FGF13: variants seen among roughly 807,000 people sequenced by gnomAD.
FGF13 encodes the protein fibroblast growth factor 13, also known as fibroblast growth factor homologous factor 2.
A neutral mutation model predicts 19.5 loss-of-function variants in FGF13; 2 were observed. The ratio of observed to expected loss-of-function variants is 0.10; its 90% CI spans 0.04 to 0.32. The LOEUF (loss-of-function observed/expected upper bound fraction) is 0.32, where lower values mean the gene tolerates loss of function less well. Among genes scored for constraint, FGF13 ranks in the 10% least tolerant of loss-of-function variants. The probability of loss-of-function intolerance (pLI) is 1.00; values close to 1 mark genes in which losing one functional copy is unlikely to be tolerated. For synonymous variants in FGF13, 72 were observed against 76.9 expected (o/e 0.94, Z 0.33); for missense variants, 113 against 192.7 (o/e 0.59, Z 2.45).
At chrX:139,171,743 T>A (rs1000503927) in intron 1 of FGF13, among the ~76,000 whole-genome samples, 2 of 112,692 alleles carry the variant, frequency 1.8e-5, no homozygotes, top group African/African-American at 6.4e-5. Flanking sequence ...TGAGGACTTA[T>A]CACAGATATG....
At chrX:138,822,006 G>A (rs2124067580) in intron 3 of FGF13, among the ~76,000 whole-genome samples, 1 of 111,745 alleles carries the variant, frequency 8.9e-6, no homozygotes, top group African/African-American at 3.2e-5. Context: ...TGATGATGAT[G>A]ACATGATATG....
chrX:138,825,844 A>G (rs920383096), intron 3 of FGF13, among the ~76,000 whole-genome samples: 1 of 111,904 alleles, frequency 8.9e-6, no homozygotes, highest in African/African-American at 3.3e-5. Flanking sequence ...TAGGCTTCCT[A>G]CCAATAGTGT....
At chrX:138,957,382 C>T (rs1235478706) in intron 1 of FGF13, among the ~76,000 whole-genome samples, 6 of 111,873 alleles carry the variant, frequency 5.4e-5, no homozygotes, top group Admixed American at 3.8e-4. Context: ...ATCTCCAAAT[C>T]AGACATATGT....
At chrX:138,694,427 A>ATTTTTTC (rs1197937449) in intron 3 of FGF13, among the ~76,000 whole-genome samples, 1 of 102,143 alleles carries the variant, frequency 9.8e-6, no homozygotes, top group Non-Finnish European at 2.0e-5. Context: ...ATACATGTTA[A>ATTTTTTC]TTTTTTCTTT....
Position 139,117,144 on chromosome X carries a change from T to G in FGF13, c.-113+86272A>C, listed in dbSNP as rs2083645338. On this transcript the variant is annotated intron_variant, in intron 1 of 2. Coordinates refer to the FGF13 transcript ENST00000421460. ...CAGAGACCACTTAACCCAGTGGTTC[T>G]CAACTGGGGGTAATTTTGTACCTCC... Among the ~76,000 whole-genome samples the G allele has an allele frequency of 2.7e-5, 3 of 111,209 alleles. No homozygotes were observed. In the Admixed American group the frequency reaches 2.9e-4, roughly 11 times the overall value.
At chrX:138,938,291 A>G (rs1415971683) in intron 1 of FGF13, among the ~76,000 whole-genome samples, 1 of 111,490 alleles carries the variant, frequency 9.0e-6, no homozygotes, top group Non-Finnish European at 1.9e-5. Flanking sequence ...AGCAGTCTCA[A>G]TGGAGGGATG....
intron 2 of FGF13, among the ~76,000 whole-genome samples, chrX:138,864,100 T>A (rs752816505): frequency 1.5e-4 from 17 of 111,516 alleles, no homozygotes; most frequent in Non-Finnish European, 3.2e-4. Context: ...ATCCCCCCAA[T>A]CCCCGCCCTG....
At chrX:138,947,754 A>T (rs1402018310) in intron 1 of FGF13, among the ~76,000 whole-genome samples, 1 of 111,966 alleles carries the variant, frequency 8.9e-6, no homozygotes, top group Non-Finnish European at 1.9e-5. Flanking sequence ...CACTACCCAA[A>T]GTTCTTATGT....
chrX:138,808,087 G>A (rs28791291), intron 3 of FGF13, among the ~76,000 whole-genome samples: 3,106 of 111,095 alleles, frequency 0.028, 95 homozygotes, highest in African/African-American at 0.09. Flanking sequence ...TGCACCAAGC[G>A]GACCTAATAG....
At chrX:138,760,049 G>C (rs749649505) in intron 3 of FGF13, among the ~76,000 whole-genome samples, 4 of 111,193 alleles carry the variant, frequency 3.6e-5, no homozygotes, top group South Asian at 7.7e-4. Flanking sequence ...GGGTAAGTGG[G>C]GAGATGATTG....
chrX:138,895,569 T>G (rs938219095), intron 1 of FGF13, among the ~76,000 whole-genome samples: 1 of 112,024 alleles, frequency 8.9e-6, no homozygotes, highest in Non-Finnish European at 1.9e-5. Context: ...GAATGTACAT[T>G]GGTACAGCCA....
chrX:139,069,965 T>C (rs1470235847), intron 1 of FGF13, among the ~76,000 whole-genome samples: 1 of 111,858 alleles, frequency 8.9e-6, no homozygotes, highest in Non-Finnish European at 1.9e-5. Flanking sequence ...CCTTACACCT[T>C]ATACAAAAAA....
chrX:138,653,193 C>A (rs998761917), intron 3 of FGF13, among the ~76,000 whole-genome samples: 4 of 111,293 alleles, frequency 3.6e-5, no homozygotes, highest in African/African-American at 1.3e-4. Flanking sequence ...ATGGTTCATT[C>A]TTTTTGCCAT....
At chrX:139,062,054 G>T (rs935357999) in intron 1 of FGF13, among the ~76,000 whole-genome samples, 1 of 111,240 alleles carries the variant, frequency 9.0e-6, no homozygotes, top group Non-Finnish European at 1.9e-5. Context: ...CTGTGCAGAA[G>T]CTTTTTAGTT....
At chrX:138,878,156 T>C (rs898436864) in intron 1 of FGF13, among the ~76,000 whole-genome samples, 3 of 111,070 alleles carry the variant, frequency 2.7e-5, no homozygotes, top group African/African-American at 9.8e-5. Context: ...TTTTTTAATT[T>C]TATTATCATT....
intron 3 of FGF13, among the ~76,000 whole-genome samples, chrX:138,652,102 T>A (rs1173571970): frequency 9.0e-6 from 1 of 111,616 alleles, no homozygotes; most frequent in Non-Finnish European, 1.9e-5. Context: ...GTCCTCTTTT[T>A]TCATTTTATA....
chrX:138,958,297 T>C (rs1339123993), intron 1 of FGF13, among the ~76,000 whole-genome samples: 2 of 111,982 alleles, frequency 1.8e-5, no homozygotes, highest in Non-Finnish European at 3.8e-5. Context: ...GTGGTTTTTG[T>C]CTTTGGTTCT....
intron 1 of FGF13, among the ~76,000 whole-genome samples, chrX:138,986,579 C>T (rs772374713): frequency 2.5e-4 from 28 of 111,750 alleles, no homozygotes; most frequent in African/African-American, 8.8e-4. Flanking sequence ...GTTTTAAAGA[C>T]GGGGTCTTAC....
chrX:138,984,530 G>GAAC lies in FGF13; in HGVS notation c.-112-119881_-112-119880insGTT, dbSNP rs1252618072. Among the ~76,000 whole-genome samples, 105 of 23,021 alleles carry GAAC rather than the reference G, an allele frequency of 4.6e-3. 10 individuals carry two copies. The highest frequency in any genetic ancestry group is 0.015 in the African/African-American group (99 of 6,424). The allele number at this position is 23,021 out of a possible 115,157, so 20.0% of individuals were successfully genotyped here. Reference sequence around the variant, plus strand: ...AGAAGAGGAAGAAGAAGAGGAAGAAGAAGAAGAAGAAGAAGAAGAAGAAGA... The same window carrying GAAC: ...AGAAGAGGAAGAAGAAGAGGAAGAAGAACAAGAAGAAGAAGAAGAAGAAGAAGA... On this transcript the variant is annotated intron_variant, in intron 1 of 2. Transcript: ENST00000421460.
Sources: gnomAD v4.1 joint callset for allele counts (sites outside exome capture counted in the v4.1 genomes callset) on GRCh38, gnomAD v4.1.1 for gene constraint, MANE v1.5 for transcripts, NCBI Gene and HGNC (gene_info 2026-07-23, HGNC 2026-07-21) for gene names.